Variants in MSRB3 observed in about 807,000 individuals in gnomAD.
MSRB3 encodes methionine-R-sulfoxide reductase B3.
Under a neutral mutation model 21.0 loss-of-function variants are expected in MSRB3, and 13 were observed. The observed-to-expected ratio is 0.62, with a 90% CI of 0.40 to 0.98. MSRB3 has a LOEUF of 0.98. Ranked by LOEUF, MSRB3 falls within the 50% of genes least tolerant of loss-of-function variation. The probability of loss-of-function intolerance (pLI) is 0.00; values close to 1 mark genes in which losing one functional copy is unlikely to be tolerated. For missense variants in MSRB3, 199 were observed against 230.3 expected (o/e 0.86, Z 0.88); for synonymous variants, 87 against 88.6 (o/e 0.98, Z 0.10).
chr12:65,435,153 T>C (rs775369278), intron 5 of MSRB3, among the ~76,000 whole-genome samples: 1 of 151,880 alleles, frequency 6.6e-6, no homozygotes, highest in Non-Finnish European at 1.5e-5. Flanking sequence ...CAGGAACATA[T>C]ATGTAAGTCA....
chr12:65,323,907 T>A (rs998382209), intron 2 of MSRB3, among the ~76,000 whole-genome samples: 7 of 152,196 alleles, frequency 4.6e-5, no homozygotes, highest in Non-Finnish European at 1.0e-4. Flanking sequence ...GGCAAGATAT[T>A]TATTAAAATC....
At chr12:65,461,445 A>G (rs2136718249) in intron 6 of MSRB3, among the ~76,000 whole-genome samples, 1 of 152,340 alleles carries the variant, frequency 6.6e-6, no homozygotes, top group South Asian at 2.1e-4. Flanking sequence ...TTTTCTAGGC[A>G]ATAGATCAAA....
chr12:65,357,287 C>T (rs572427359), intron 4 of MSRB3, among the ~76,000 whole-genome samples: 1 of 152,042 alleles, frequency 6.6e-6, no homozygotes, highest in African/African-American at 2.4e-5. Flanking sequence ...CTCTTCATAT[C>T]CATTGCTCCT....
At chr12:65,320,209 C>A (rs1024955022) in intron 2 of MSRB3, among the ~76,000 whole-genome samples, 4 of 151,946 alleles carry the variant, frequency 2.6e-5, no homozygotes, top group Admixed American at 1.3e-4. Context: ...TATGATTTTT[C>A]TTACATATAG....
intron 5 of MSRB3, chr12:65,420,042 C>T (rs561891716): frequency 8.2e-5 from 39 of 473,112 alleles, no homozygotes; most frequent in East Asian, 5.8e-5. Flanking sequence ...GGGAAGAGAG[C>T]GGGAAGAGAG....
At chr12:65,293,656 T>C (rs1029856368) in intron 1 of MSRB3, among the ~76,000 whole-genome samples, 3 of 152,224 alleles carry the variant, frequency 2.0e-5, no homozygotes, top group African/African-American at 2.4e-5. Flanking sequence ...CTCTGTTGTA[T>C]AGGATCTTCC....
chr12:65,450,916 C>G (rs1429993108), intron 5 of MSRB3, among the ~76,000 whole-genome samples: 3 of 152,164 alleles, frequency 2.0e-5, no homozygotes, highest in Non-Finnish European at 4.4e-5. Context: ...GCTTCTCTGC[C>G]ATAAGGCAGT....
intron 2 of MSRB3, among the ~76,000 whole-genome samples, chr12:65,322,892 C>G (rs986065818): frequency 1.3e-5 from 2 of 152,064 alleles, no homozygotes; most frequent in African/African-American, 2.4e-5. Flanking sequence ...AGACATGTGC[C>G]TGGCATGTAG....
chr12:65,426,971 A>G (rs1410674158), intron 5 of MSRB3, among the ~76,000 whole-genome samples: 2 of 152,110 alleles, frequency 1.3e-5, no homozygotes, highest in African/African-American at 4.8e-5. Context: ...TCTATATTGT[A>G]TTGAAGTTTG....
chr12:65,367,795 G>A (rs568544042), intron 4 of MSRB3, among the ~76,000 whole-genome samples: 135 of 152,292 alleles, frequency 8.9e-4, no homozygotes, highest in Non-Finnish European at 1.5e-3. Flanking sequence ...CCAGGACTTA[G>A]GGAAAATGTG....
intron 5 of MSRB3, among the ~76,000 whole-genome samples, chr12:65,443,953 C>T (rs1882499274): frequency 6.6e-6 from 1 of 151,996 alleles, no homozygotes; most frequent in African/African-American, 2.4e-5. Context: ...CCTTTTAATT[C>T]AGTCATATAT....
At chr12:65,389,967 C>T (rs1006670420) in intron 5 of MSRB3, among the ~76,000 whole-genome samples, 1 of 152,164 alleles carries the variant, frequency 6.6e-6, no homozygotes, top group Admixed American at 6.5e-5. Flanking sequence ...CCACCATTTT[C>T]TTTTTGAACA....
In MSRB3 at chr12:65,282,250, G is replaced by A. The variant is rs1369582812; in HGVS notation, c.-52+3385G>A. Among the ~76,000 whole-genome samples the A allele has an allele frequency of 3.3e-5, 5 of 151,532 alleles. No individual in the cohort carries two copies. The East Asian group carries it at 9.8e-4, about 30-fold the overall frequency. On this transcript the variant is annotated intron_variant, in intron 1 of 6. Coordinates refer to ENST00000308259, the MANE Select transcript of MSRB3 (RefSeq NM_001031679.3). ...GAGAATAACTTGAACCAGGGAAGCG[G>A]ATGTTGCAGTGAGCCAAGATCATGC...
intron 1 of MSRB3, among the ~76,000 whole-genome samples, chr12:65,291,604 C>T (rs1196653494): frequency 2.0e-5 from 3 of 151,956 alleles, no homozygotes; most frequent in Admixed American, 1.3e-4. Context: ...TGTATTGAGC[C>T]CTGTTACATG....
chr12:65,464,829 A>G lies in MSRB3; in HGVS notation c.*1507A>G, dbSNP rs1883494522. On this transcript the variant is annotated 3_prime_UTR_variant, in exon 7 of 7. Transcript: ENST00000308259. ...TGGAGAGACATGGGCATTCACATGG[A>G]AAGCTAAAACGGAAGCTCAAGTTTC... 1 of 152,228 alleles carries G rather than the reference A, an allele frequency of 6.6e-6. No homozygotes were observed. Among genetic ancestry groups the G allele is most frequent in the Non-Finnish European group, 1.5e-5 (1 of 68,036 alleles). The allele number at this position is 152,228 out of a possible 1,614,324, so 9.4% of individuals were successfully genotyped here. A position where few individuals can be genotyped will look rare whatever the true frequency, so the allele number is the denominator to read the frequency against.
At chr12:65,405,609 T>C (rs1205738995) in intron 5 of MSRB3, among the ~76,000 whole-genome samples, 3 of 152,090 alleles carry the variant, frequency 2.0e-5, no homozygotes, top group African/African-American at 7.2e-5. Context: ...CATACCCCAG[T>C]AGTGGGATTT....
intron 6 of MSRB3, 33 bp from the exon 7 acceptor site, chr12:65,463,122 G>A (rs760920989): frequency 9.3e-6 from 15 of 1,613,356 alleles, no homozygotes; most frequent in South Asian, 5.5e-5. Context: ...CTTTGTACAT[G>A]CTTTTCCCTG....
intron 5 of MSRB3, among the ~76,000 whole-genome samples, chr12:65,405,422 C>CAT (rs141249614): frequency 0.013 from 1,897 of 149,818 alleles, 48 homozygotes; most frequent in African/African-American, 0.043. Flanking sequence ...AGTATTCTAT[C>CAT]ATATATATAT....
intron 5 of MSRB3, among the ~76,000 whole-genome samples, chr12:65,403,869 A>G (rs1041507212): frequency 6.6e-6 from 1 of 151,780 alleles, no homozygotes; most frequent in Non-Finnish European, 1.5e-5. Flanking sequence ...GAGTTCCCTG[A>G]CCCCTTCTGC....
Sources: allele counts gnomAD v4.1 joint callset (sites outside exome capture counted in the v4.1 genomes callset), GRCh38; gene constraint gnomAD v4.1.1; transcripts MANE v1.5; gene names NCBI Gene and HGNC (gene_info 2026-07-23, HGNC 2026-07-21).